The following CRELD1 variants were observed in gnomAD, a reference collection of about 807,000 sequenced individuals.
The protein encoded by CRELD1 is protein disulfide isomerase CRELD1.
Under a neutral mutation model 58.2 loss-of-function variants are expected in CRELD1, and 42 were observed. The observed-to-expected ratio is 0.72, with a 90% CI of 0.56 to 0.93. The LOEUF (loss-of-function observed/expected upper bound fraction) is 0.93, where lower values mean the gene tolerates loss of function less well. Among genes scored for constraint, CRELD1 ranks in the 40% least tolerant of loss-of-function variants. The probability of loss-of-function intolerance (pLI) is 0.00; values close to 1 mark genes in which losing one functional copy is unlikely to be tolerated. For missense variants in CRELD1, 500 were observed against 540.6 expected, an observed-to-expected ratio of 0.92 and a Z score of 0.74; for synonymous variants, 222 against 202.0, an observed-to-expected ratio of 1.10 and a Z score of -0.84.
In CRELD1 at chr3:9,944,624, C is replaced by A; in HGVS notation, c.*45C>A. 1 of 1,517,448 alleles carries A rather than the reference C, an allele frequency of 6.6e-7. No individual in the cohort carries two copies. 94.0% of individuals were successfully genotyped at this position (1,517,448 alleles called of 1,614,324 possible). A position where few individuals can be genotyped will look rare whatever the true frequency, so the allele number is the denominator to read the frequency against. ...GACCTCCTCCCACCCACGCTGCCCCCAGAGCTTGGGCTGCCCTCCTGCTGG... is the reference window on the plus strand; with the variant it reads ...GACCTCCTCCCACCCACGCTGCCCCAAGAGCTTGGGCTGCCCTCCTGCTGG... On this transcript the variant is annotated 3_prime_UTR_variant, in exon 11 of 11. Coordinates refer to ENST00000452070, the MANE Select transcript of CRELD1 (RefSeq NM_001077415.3).
At position 9,943,490 on chromosome 3, in the gene CRELD1, C is replaced by T; in HGVS notation, c.1023C>T (p.Gly341=). ...CCGAGGGCTACAAGCAGATGGAAGG[C>T]ATCTGTGTGAAGGAGCAGATCCCAG... The part of the protein sequence containing the change: ...ICAEGYKQME[G]ICVKEQIPES... The change falls in exon 10 of 11, where the codon GGC becomes GGT. Residue 341 remains glycine (G), a synonymous_variant. Coordinates refer to ENST00000452070, the MANE Select transcript of CRELD1 (RefSeq NM_001077415.3). The T allele has an allele frequency of 2.5e-6, 4 of 1,614,056 alleles. No individual in the cohort carries two copies. Among genetic ancestry groups the T allele is most frequent in the Non-Finnish European group, 3.4e-6 (4 of 1,180,004 alleles).
At chr3:9,934,736 G>T (rs1048533388) in intron 2 of CRELD1, 99 bp from the exon 3 acceptor site, 102 of 1,500,420 alleles carry the variant, frequency 6.8e-5, no homozygotes, top group Non-Finnish European at 9.3e-5. Context: ...GCCCTAGGCA[G>T]GTTGCCTTTC....
Position 9,940,268 on chromosome 3 carries a change from T to C in CRELD1, c.461-582T>C, listed in dbSNP as rs368508478. Among the ~76,000 whole-genome samples, 64 of 151,990 alleles carry C rather than the reference T, an allele frequency of 4.2e-4. 1 individual carries two copies. The highest frequency in any genetic ancestry group is 6.2e-4 in the South Asian group (3 of 4,814). On this transcript the variant is annotated intron_variant, in intron 5 of 10. Coordinates refer to ENST00000452070, the MANE Select transcript of CRELD1 (RefSeq NM_001077415.3). ...GCTCCTCACTTCCCAGACGGGGTGG[T>C]GGCCGGGCAGAGGCTGCAATCTCGG... is the stretch of plus-strand genomic sequence containing the variant.
chr3:9,938,184 C>A, intron 5 of CRELD1, 78 bp downstream of exon 5: 4 of 1,146,014 alleles, frequency 3.5e-6, no homozygotes, highest in South Asian at 1.3e-5. Flanking sequence ...GTCCCTAGTT[C>A]GCTGTGTGAA....
At chr3:9,938,175 T>TCC in intron 5 of CRELD1, 69 bp downstream of exon 5, 1 of 1,235,472 alleles carries the variant, frequency 8.1e-7, no homozygotes, top group South Asian at 1.2e-5. Flanking sequence ...CCTGGCTCTG[T>TCC]CCCTAGTTCG....
At chr3:9,934,368 C>T in intron 1 of CRELD1, 52 bp from the exon 2 acceptor site, 1 of 1,403,888 alleles carries the variant, frequency 7.1e-7, no homozygotes, top group Non-Finnish European at 1.0e-6. Flanking sequence ...TTTTCTTTCT[C>T]GCGTGGGGCC....
intron 7 of CRELD1, among the ~76,000 whole-genome samples, chr3:9,942,527 C>A (rs1476945717): frequency 6.6e-6 from 1 of 152,118 alleles, no homozygotes; most frequent in Non-Finnish European, 1.5e-5. Context: ...ATTGAGGAGT[C>A]CAAGCATTGT....
rs1212976743 is a variant in CRELD1 at position 9,941,210 on chromosome 3, A to G, written c.733+4A>G. 2 of 1,611,570 alleles carry G rather than the reference A, an allele frequency of 1.2e-6. No individual in the cohort carries two copies. Among genetic ancestry groups the G allele is most frequent in the Non-Finnish European group, 1.7e-6 (2 of 1,178,180 alleles). ...CTGCATCACCTCAAGTGTGTAGGTAAGTGGGGCCCTAGCTAGGTCTGGGAA... is the reference window on the plus strand; with the variant it reads ...CTGCATCACCTCAAGTGTGTAGGTAGGTGGGGCCCTAGCTAGGTCTGGGAA... On this transcript the variant is annotated splice_donor_region_variant and intron_variant, in intron 7 of 10. Coordinates refer to ENST00000452070, the MANE Select transcript of CRELD1 (RefSeq NM_001077415.3).
rs2302787 is a variant in CRELD1, at chr3:9,938,029, C to G, written c.383C>G (p.Pro128Arg). 1.6e-3 allele frequency: 2,537 copies of G among 1,613,702 alleles called. 44 individuals are homozygous for G. The East Asian group carries it at 0.046, about 29-fold the overall frequency. Reference protein sequence around the residue: ...SWWFHKQQEAPDLFQWLCSDS... With the variant: ...SWWFHKQQEARDLFQWLCSDS... ...CCCTGCCTCAGGCAGCAGGAGGCCC[C>G]GGACCTCTTCCAGTGGCTGTGCTCA... is the stretch of plus-strand genomic sequence containing the variant. Residue 128 changes from proline to arginine, a missense_variant, in exon 5 of 11, where the codon CCG becomes CGG. Pro to Arg is a moderately radical substitution (Grantham distance 103). Coordinates refer to ENST00000452070, the MANE Select transcript of CRELD1 (RefSeq NM_001077415.3).
At chr3:9,937,416 G>C in intron 3 of CRELD1, 146 bp from the exon 4 acceptor site, 1 of 662,164 alleles carries the variant, frequency 1.5e-6, no homozygotes, top group Non-Finnish European at 2.8e-6. Context: ...AGGTCTCTCT[G>C]CTTCCCAGAA....
chr3:9,943,853 A>G, intron 10 of CRELD1: 1 of 1,613,932 alleles, frequency 6.2e-7, no homozygotes, highest in Non-Finnish European at 8.5e-7. Flanking sequence ...CACAACGATG[A>G]TGGCAGGGAC....
chr3:9,940,243 G>A (rs1365444431), intron 5 of CRELD1, among the ~76,000 whole-genome samples: 6 of 151,920 alleles, frequency 3.9e-5, no homozygotes, highest in African/African-American at 1.2e-4. Flanking sequence ...AGGCAGAGAC[G>A]CTCCTCACTT....
At position 9,942,841 on chromosome 3, in the gene CRELD1, C is replaced by T. The variant is rs749101980; in HGVS notation, c.762C>T (p.Ala254=). The T allele has an allele frequency of 1.9e-6, 3 of 1,614,042 alleles. No individual in the cohort carries two copies. Among genetic ancestry groups the T allele is most frequent in the Non-Finnish European group, 8.5e-7 (1 of 1,180,010 alleles). ...VDIDECGTEG[A]NCGADQFCVN... is the part of the protein sequence containing the mutation. ...TTGATGAGTGTGGCACAGAGGGAGC[C>T]AACTGTGGAGCTGACCAATTCTGCG... The change falls in exon 8 of 11, where the codon GCC becomes GCT. Residue 254 remains alanine (A), a synonymous_variant. Coordinates refer to ENST00000452070, the MANE Select transcript of CRELD1 (RefSeq NM_001077415.3).
At chr3:9,944,016 T>C in intron 10 of CRELD1, 1 of 917,560 alleles carries the variant, frequency 1.1e-6, no homozygotes, top group Non-Finnish European at 1.8e-6. Flanking sequence ...GAAGCTACTT[T>C]CCCAGGGCTA....
In CRELD1 at chr3:9,934,597, T is replaced by C; in HGVS notation, c.159T>C (p.Val53=). 1.9e-6 allele frequency: 3 copies of C among 1,613,502 alleles called. No homozygotes were observed. The highest frequency in any genetic ancestry group is 2.5e-6 in the Non-Finnish European group (3 of 1,179,504). ...PHPCHTCRGL[V]DSFNKGLERT... ...CGTGTCATACCTGCCGGGGACTGGT[T>C]GACAGCTTTAACAAGGTGGGTGCAC... Residue 53 remains valine (V), a synonymous_variant, in exon 2 of 11, where the codon GTT becomes GTC. Coordinates refer to ENST00000452070, the MANE Select transcript of CRELD1 (RefSeq NM_001077415.3).
chr3:9,942,223 A>G (rs948301102), intron 7 of CRELD1, among the ~76,000 whole-genome samples: 12 of 151,820 alleles, frequency 7.9e-5, no homozygotes, highest in Non-Finnish European at 4.4e-5. Context: ...GTGAGCCAAG[A>G]TCACACCATT....
chr3:9,938,353 A>G (rs2085252868), intron 5 of CRELD1: 1 of 506,034 alleles, frequency 2.0e-6, no homozygotes. Context: ...GAAATGATAG[A>G]CTTCCCAGCC....
chr3:9,934,328 C>A, intron 1 of CRELD1, 92 bp from the exon 2 acceptor site: 11 of 1,013,300 alleles, frequency 1.1e-5, no homozygotes, highest in Non-Finnish European at 1.2e-5. Flanking sequence ...TAACGCAGAT[C>A]CCAGCGCCAC....
At chr3:9,934,787 G>GC (rs1275317154) in intron 2 of CRELD1, 48 bp from the exon 3 acceptor site, 4 of 1,563,736 alleles carry the variant, frequency 2.6e-6, no homozygotes, top group Non-Finnish European at 3.5e-6. Context: ...TGAAGTGCTA[G>GC]CATGTGCCAG....
Sources: allele counts gnomAD v4.1 joint callset (sites outside exome capture counted in the v4.1 genomes callset), GRCh38; gene constraint gnomAD v4.1.1; transcripts MANE v1.5; gene names NCBI Gene and HGNC (gene_info 2026-07-23, HGNC 2026-07-21).